ROBO2: variants seen among roughly 807,000 people sequenced by gnomAD.
The protein encoded by ROBO2 is roundabout homolog 2.
In ROBO2, 53 loss-of-function variants were observed where a neutral mutation model predicts 160.8. That is an observed-to-expected ratio of 0.33 (90% CI 0.26 to 0.41). The LOEUF is 0.41. ROBO2 is among the 10% of genes least tolerant of loss of function. The pLI, the probability that ROBO2 is intolerant of heterozygous loss-of-function variation, is 1.00. For synonymous variants in ROBO2, 664 were observed against 611.7 expected, an observed-to-expected ratio of 1.09 and a Z score of -1.26; for missense variants, 1,577 against 1,722.4, an observed-to-expected ratio of 0.92 and a Z score of 1.49.
chr3:76,220,631 G>A (rs1703903035), intron 2 of ROBO2, among the ~76,000 whole-genome samples: 1 of 152,094 alleles, frequency 6.6e-6, no homozygotes, highest in Non-Finnish European at 1.5e-5. Flanking sequence ...AGGTATTTTG[G>A]TACAGGAGCA....
chr3:77,386,630 C>T lies in ROBO2; in HGVS notation c.389-90784C>T, dbSNP rs1402573774. 2.1e-4 allele frequency among the ~76,000 whole-genome samples: 3 copies of T among 14,136 alleles called. No homozygotes were observed. In the East Asian group the frequency reaches 0.042, roughly 196 times the overall value. 9.3% of individuals were successfully genotyped at this position (14,136 alleles called of 152,430 possible). A position where few individuals can be genotyped will look rare whatever the true frequency, so the allele number is the denominator to read the frequency against. ...TTTTTTTTTTTTTTTTGAAATAGAG[C>T]CTCGCTCCGTCACCCAGGCTGAAGT... On this transcript the variant is annotated intron_variant, in intron 2 of 25. Transcript: ENST00000461745.
At chr3:76,898,194 A>G (rs939651530) in intron 2 of ROBO2, among the ~76,000 whole-genome samples, 7 of 152,140 alleles carry the variant, frequency 4.6e-5, no homozygotes, top group African/African-American at 1.2e-4. Flanking sequence ...ATAGGATAAA[A>G]CACTTCCATA....
intron 2 of ROBO2, chr3:76,434,143 C>CAA: frequency 8.4e-7 from 1 of 1,194,400 alleles, no homozygotes; most frequent in South Asian, 1.2e-5. Context: ...GCATTTGACT[C>CAA]ACTGCTTGCT....
chr3:76,172,301 G>A (rs2073072130), intron 2 of ROBO2, among the ~76,000 whole-genome samples: 1 of 130,472 alleles, frequency 7.7e-6, no homozygotes, highest in Non-Finnish European at 1.6e-5. Context: ...GGTGGGGGGA[G>A]GGATAGCATT....
intron 2 of ROBO2, among the ~76,000 whole-genome samples, chr3:77,222,186 C>T (rs1360371761): frequency 6.6e-6 from 1 of 152,130 alleles, no homozygotes; most frequent in Non-Finnish European, 1.5e-5. Flanking sequence ...ACTTTACCCT[C>T]CTGTCCAAAA....
At chr3:76,084,228 G>C (rs541319849) in intron 2 of ROBO2, among the ~76,000 whole-genome samples, 1 of 152,214 alleles carries the variant, frequency 6.6e-6, no homozygotes, top group Non-Finnish European at 1.5e-5. Context: ...AAAGAAAATA[G>C]TTGTGTACGC....
intron 2 of ROBO2, among the ~76,000 whole-genome samples, chr3:77,287,229 C>T (rs1471438520): frequency 6.6e-6 from 1 of 152,188 alleles, no homozygotes; most frequent in African/African-American, 2.4e-5. Context: ...TGCACACATG[C>T]TACCATTAGA....
rs567542031 is a variant in ROBO2, at chr3:76,810,659, A to T, written c.110-287355A>T. 2.0e-5 allele frequency among the ~76,000 whole-genome samples: 3 copies of T among 152,280 alleles called. No individual in the cohort carries two copies. In the South Asian group the frequency reaches 6.2e-4, roughly 32 times the overall value. On this transcript the variant is annotated intron_variant, in intron 2 of 26. Coordinates refer to the ROBO2 transcript ENST00000487694. ...ACACAATTTAAAAGGATTCAAGACT[A>T]CTGAATATTATCATTTTGCTGAGTA...
At chr3:76,020,531 T>A (rs2066543827) in intron 2 of ROBO2, among the ~76,000 whole-genome samples, 1 of 151,814 alleles carries the variant, frequency 6.6e-6, no homozygotes, top group African/African-American at 2.4e-5. Flanking sequence ...TTTAACAGAT[T>A]TGTTTACTTA....
chr3:76,004,124 A>C (rs565524826), intron 2 of ROBO2, among the ~76,000 whole-genome samples: 2 of 152,340 alleles, frequency 1.3e-5, no homozygotes, highest in East Asian at 3.9e-4. Context: ...CTTTATTTGC[A>C]TGGCCTTAAA....
intron 2 of ROBO2, among the ~76,000 whole-genome samples, chr3:76,746,425 G>T (rs1357465834): frequency 6.6e-6 from 1 of 151,964 alleles, no homozygotes; most frequent in East Asian, 1.9e-4. Context: ...TTCCACAATG[G>T]TTGAACTAGT....
chr3:76,434,977 G>A (rs2076603726), intron 2 of ROBO2: 2 of 1,581,796 alleles, frequency 1.3e-6, no homozygotes, highest in Non-Finnish European at 1.7e-6. Flanking sequence ...GAACTGGAGG[G>A]TAAGAAGTGG....
Position 76,177,661 on chromosome 3 carries a change from A to G in ROBO2, c.109+240059A>G, listed in dbSNP as rs142509062. ...AAGGAGATGTTCTATTTTACATGCT[A>G]ATTGTAATTCCCCTCCCACTCCAAA... is the stretch of plus-strand genomic sequence containing the variant. On this transcript the variant is annotated intron_variant, in intron 2 of 26. Coordinates refer to the ROBO2 transcript ENST00000487694. 6.8e-3 allele frequency among the ~76,000 whole-genome samples: 1,035 copies of G among 152,160 alleles called. 27 individuals are homozygous for G. In the East Asian group the frequency reaches 0.1, roughly 15 times the overall value.
chr3:76,429,498 G>T (rs767520057), intron 2 of ROBO2, among the ~76,000 whole-genome samples: 56 of 152,064 alleles, frequency 3.7e-4, no homozygotes, highest in South Asian at 1.0e-3. Flanking sequence ...TTGATTTTCT[G>T]GTTTGGTATG....
At chr3:75,996,721 AT>A (rs1407699216) in intron 2 of ROBO2, among the ~76,000 whole-genome samples, 5 of 72,784 alleles carry the variant, frequency 6.9e-5, no homozygotes, top group African/African-American at 1.8e-4. Flanking sequence ...ATGAATATCT[AT>A]TCTGATATAT....
intron 2 of ROBO2, among the ~76,000 whole-genome samples, chr3:77,210,309 G>C (rs1284393812): frequency 6.6e-6 from 1 of 151,848 alleles, no homozygotes; most frequent in Non-Finnish European, 1.5e-5. Flanking sequence ...GTTCAAAAAT[G>C]TATGCATAAT....
chr3:77,227,911 TAAC>T (rs1478657524), intron 2 of ROBO2, among the ~76,000 whole-genome samples: 1 of 152,220 alleles, frequency 6.6e-6, no homozygotes, highest in Non-Finnish European at 1.5e-5. Flanking sequence ...AACACAGACA[TAAC>T]AAATATCTAA....
At chr3:76,052,651 A>G (rs1483470616) in intron 2 of ROBO2, among the ~76,000 whole-genome samples, 1 of 152,048 alleles carries the variant, frequency 6.6e-6, no homozygotes, top group Non-Finnish European at 1.5e-5. Context: ...AGAACCAGAA[A>G]TCTTTGTAAT....
intron 4 of ROBO2, among the ~76,000 whole-genome samples, chr3:77,484,552 T>C (rs2085113892): frequency 6.8e-6 from 1 of 146,646 alleles, no homozygotes; most frequent in African/African-American, 2.7e-5. Flanking sequence ...CATATATTTC[T>C]CATCATTTTA....
Sources: allele counts gnomAD v4.1 joint callset (sites outside exome capture counted in the v4.1 genomes callset), GRCh38; gene constraint gnomAD v4.1.1; transcripts MANE v1.5; gene names NCBI Gene and HGNC (gene_info 2026-07-23, HGNC 2026-07-21).